NSMCE2: variants seen among roughly 807,000 people sequenced by gnomAD.
NSMCE2 encodes the protein E3 SUMO-protein ligase NSE2.
A neutral mutation model predicts 23.8 loss-of-function variants in NSMCE2; 24 were observed. The ratio of observed to expected loss-of-function variants is 1.01; its 90% CI spans 0.73 to 1.42. The LOEUF (loss-of-function observed/expected upper bound fraction) is 1.42, where lower values mean the gene tolerates loss of function less well. Among genes scored for constraint, NSMCE2 ranks in the 40% most tolerant of loss-of-function variants. The pLI is 0.00. For synonymous variants in NSMCE2, 92 were observed against 94.1 expected (o/e 0.98, Z 0.13); for missense variants, 284 against 296.5 (o/e 0.96, Z 0.31).
intron 3 of NSMCE2, among the ~76,000 whole-genome samples, chr8:125,133,533 A>T (rs937451784): frequency 1.4e-4 from 22 of 152,184 alleles, no homozygotes; most frequent in African/African-American, 5.1e-4. Flanking sequence ...TGAGCTCAGG[A>T]GTTCGAGATC....
At chr8:125,336,259 A>G (rs1830060669) in intron 5 of NSMCE2, among the ~76,000 whole-genome samples, 1 of 152,220 alleles carries the variant, frequency 6.6e-6, no homozygotes, top group African/African-American at 2.4e-5. Context: ...CATATTAAAT[A>G]ATCAATTACT....
intron 5 of NSMCE2, among the ~76,000 whole-genome samples, chr8:125,193,271 G>C (rs142883947): frequency 6.6e-6 from 1 of 152,196 alleles, no homozygotes; most frequent in East Asian, 1.9e-4. Context: ...GTAGTGAATG[G>C]ACAAGCTACA....
intron 5 of NSMCE2, among the ~76,000 whole-genome samples, chr8:125,189,227 A>G (rs10100556): frequency 0.37 from 55,704 of 152,092 alleles, 13,757 homozygotes; most frequent in African/African-American, 0.7. Context: ...TGGAATAATG[A>G]CAAGAGCACA....
At chr8:125,331,950 C>T (rs1829895366) in intron 5 of NSMCE2, among the ~76,000 whole-genome samples, 1 of 152,164 alleles carries the variant, frequency 6.6e-6, no homozygotes, top group African/African-American at 2.4e-5. Flanking sequence ...TTATTTGGCA[C>T]TTTCTCTAAG....
chr8:125,237,376 A>G (rs1013884869), intron 5 of NSMCE2, among the ~76,000 whole-genome samples: 2 of 152,222 alleles, frequency 1.3e-5, no homozygotes, highest in Admixed American at 6.5e-5. Context: ...TCTAAAACAG[A>G]GAAAAAGTAA....
chr8:125,183,817 G>A (rs6995274), intron 5 of NSMCE2, among the ~76,000 whole-genome samples: 136 of 152,110 alleles, frequency 8.9e-4, no homozygotes, highest in African/African-American at 3.3e-3. Context: ...ACTCTGATTG[G>A]CAGCTTTCGA....
At chr8:125,272,158 C>T (rs992687459) in intron 5 of NSMCE2, among the ~76,000 whole-genome samples, 3 of 151,674 alleles carry the variant, frequency 2.0e-5, no homozygotes, top group South Asian at 2.1e-4. Context: ...GGACTACAGG[C>T]GCCCACCATC....
chr8:125,260,749 C>T (rs917551839), intron 5 of NSMCE2, among the ~76,000 whole-genome samples: 18 of 151,630 alleles, frequency 1.2e-4, no homozygotes, highest in African/African-American at 4.8e-5. Context: ...CTTAGCCTCC[C>T]GAGTAGCTGG....
At chr8:125,348,628 G>A (rs1812884403) in intron 5 of NSMCE2, 1 of 152,184 alleles carries the variant, frequency 6.6e-6, no homozygotes, top group Non-Finnish European at 1.5e-5. Context: ...TCTCATGGTA[G>A]TGAATAAGTC....
chr8:125,334,876 C>T (rs779575986), intron 5 of NSMCE2, among the ~76,000 whole-genome samples: 1 of 148,226 alleles, frequency 6.7e-6, no homozygotes, highest in Non-Finnish European at 1.5e-5. Flanking sequence ...CCACCTCAAC[C>T]TCCTGATAGC....
intron 5 of NSMCE2, among the ~76,000 whole-genome samples, chr8:125,214,092 T>C (rs1192008680): frequency 6.6e-6 from 1 of 152,192 alleles, no homozygotes; most frequent in Non-Finnish European, 1.5e-5. Context: ...TTTTCAAATA[T>C]TATAATTGTA....
chr8:125,191,129 C>T (rs913210355), intron 5 of NSMCE2, among the ~76,000 whole-genome samples: 1 of 152,182 alleles, frequency 6.6e-6, no homozygotes, highest in Non-Finnish European at 1.5e-5. Flanking sequence ...GCCTCGGCCT[C>T]CCAAAGCACT....
intron 5 of NSMCE2, among the ~76,000 whole-genome samples, chr8:125,262,041 G>T (rs1216699051): frequency 1.3e-5 from 2 of 152,052 alleles, no homozygotes; most frequent in East Asian, 3.8e-4. Flanking sequence ...AGGTTGCAGT[G>T]AATTGAGATT....
intron 4 of NSMCE2, among the ~76,000 whole-genome samples, chr8:125,173,738 G>A (rs1822338175): frequency 2.6e-5 from 4 of 152,160 alleles, no homozygotes; most frequent in Admixed American, 2.6e-4. Context: ...TAGGATGTAT[G>A]TCTGAAATCA....
intron 7 of NSMCE2, among the ~76,000 whole-genome samples, chr8:125,362,621 C>T (rs1813608009): frequency 6.6e-6 from 1 of 152,220 alleles, no homozygotes; most frequent in Non-Finnish European, 1.5e-5. Context: ...AAGGGAAAAA[C>T]TGAGGCACAG....
chr8:125,169,814 C>T (rs1015197260), intron 4 of NSMCE2, among the ~76,000 whole-genome samples: 5 of 152,112 alleles, frequency 3.3e-5, no homozygotes, highest in African/African-American at 7.2e-5. Context: ...AATTTCTTTA[C>T]ATGGTGTACA....
rs141842483 is a variant in NSMCE2 at position 125,181,526 on chromosome 8, G to A, written c.265-577G>A. ...GCATATTTGAAAATTTATAATATTG[G>A]GAAATAATTTTATAATATTGGGGAT... is the stretch of plus-strand genomic sequence containing the variant. On this transcript the variant is annotated intron_variant, in intron 4 of 7. Coordinates refer to ENST00000287437, the MANE Select transcript of NSMCE2 (RefSeq NM_173685.4). Among the ~76,000 whole-genome samples the A allele has an allele frequency of 5.5e-3, 832 of 152,092 alleles. 7 individuals carry two copies. Among genetic ancestry groups the A allele is most frequent in the African/African-American group, 0.019 (799 of 41,474 alleles).
intron 5 of NSMCE2, among the ~76,000 whole-genome samples, chr8:125,307,898 A>C (rs918681974): frequency 6.6e-6 from 1 of 152,252 alleles, no homozygotes; most frequent in Non-Finnish European, 1.5e-5. Context: ...ACATAGTTGT[A>C]TACGCATATG....
Position 125,193,714 on chromosome 8 carries a change from C to T in NSMCE2, c.418+11458C>T, listed in dbSNP as rs1007154055. Reference sequence around the variant, plus strand: ...AAGTGTTGTAAAACAAAACAAAAAGCGTATTTCTTCTTCTAAGATTTCAGA... The same window carrying T: ...AAGTGTTGTAAAACAAAACAAAAAGTGTATTTCTTCTTCTAAGATTTCAGA... On this transcript the variant is annotated intron_variant, in intron 5 of 7. Transcript: ENST00000287437. 3.5e-4 allele frequency among the ~76,000 whole-genome samples: 53 copies of T among 152,224 alleles called. 1 individual carries two copies. Among genetic ancestry groups the T allele is most frequent in the South Asian group, 4.1e-4 (2 of 4,826 alleles).
Sources: gnomAD v4.1 joint callset for allele counts (sites outside exome capture counted in the v4.1 genomes callset) on GRCh38, gnomAD v4.1.1 for gene constraint, MANE v1.5 for transcripts, NCBI Gene and HGNC (gene_info 2026-07-23, HGNC 2026-07-21) for gene names.